Variants in UNC45B observed in about 807,000 individuals in gnomAD.
UNC45B encodes protein unc-45 homolog B.
UNC45B carries 78 observed loss-of-function variants against 98.7 expected under a neutral mutation model. The ratio of observed to expected loss-of-function variants is 0.79; its 90% CI spans 0.66 to 0.95. The LOEUF (loss-of-function observed/expected upper bound fraction) is 0.95. Ranked by LOEUF, UNC45B falls within the 40% of genes least tolerant of loss-of-function variation. The probability of loss-of-function intolerance (pLI) is 0.00; values close to 1 mark genes in which losing one functional copy is unlikely to be tolerated. For synonymous variants in UNC45B, 462 were observed against 480.4 expected, an observed-to-expected ratio of 0.96 and a Z score of 0.50; for missense variants, 1,225 against 1,184.9, an observed-to-expected ratio of 1.03 and a Z score of -0.50.
chr17:35,175,062 A>AAGAAAG (rs2092220192), intron 14 of UNC45B, among the ~76,000 whole-genome samples: 1 of 65,280 alleles, frequency 1.5e-5, no homozygotes, highest in African/African-American at 4.2e-5. Flanking sequence ...AAAGGAAAGA[A>AAGAAAG]GAAAGAAAGA....
At position 35,148,956 on chromosome 17, in the gene UNC45B, C is replaced by G. The variant is rs1176680373; in HGVS notation, c.169-17C>G. ...GCCCACATTAACCGAGTCTCCTTCT[C>G]CTTCCCCTTTCCTCAGGAGAGCTAC... On this transcript the variant is annotated splice_polypyrimidine_tract_variant and intron_variant, in intron 2 of 19. Coordinates refer to ENST00000394570, the MANE Select transcript of UNC45B (RefSeq NM_001267052.2). 5.0e-6 allele frequency: 8 copies of G among 1,614,062 alleles called. No individual in the cohort carries two copies. The highest frequency in any genetic ancestry group is 6.8e-6 in the Non-Finnish European group (8 of 1,179,982).
chr17:35,163,813 C>A (rs549827756), intron 8 of UNC45B, among the ~76,000 whole-genome samples, 182 bp from the exon 9 acceptor site: 1 of 152,268 alleles, frequency 6.6e-6, no homozygotes. Context: ...AAGCTGGGGG[C>A]AGTGTCAGGT....
chr17:35,186,274 T>C (rs748706396), intron 19 of UNC45B, 25 bp from the exon 20 acceptor site: 1 of 1,611,558 alleles, frequency 6.2e-7, no homozygotes, highest in Non-Finnish European at 8.5e-7. Context: ...CCTAGCACCT[T>C]CCTTACCTTT....
Position 35,169,838 on chromosome 17 carries a change from G to A in UNC45B, c.1454G>A (p.Gly485Glu), listed in dbSNP as rs2092169866. ...NEKIKIRTLVGLCKLGSAGGT... is the reference protein window; with the variant it reads ...NEKIKIRTLVELCKLGSAGGT... The stretch of plus-strand genomic sequence containing the variant: ...TCTGCTGTCTCCTCTCCTCCTCAGG[G>A]ACTCTGTAAGCTCGGCTCTGCAGGT... Residue 485 changes from glycine to glutamate, a missense_variant and splice_region_variant, in exon 11 of 20, where the codon GGA becomes GAA. Physicochemically the swap from Gly to Glu is moderately conservative, Grantham distance 98. Transcript: ENST00000394570. The A allele has an allele frequency of 2.5e-6, 4 of 1,613,958 alleles. No individual in the cohort carries two copies. Among genetic ancestry groups the A allele is most frequent in the Non-Finnish European group, 3.4e-6 (4 of 1,180,016 alleles).
chr17:35,164,297 A>G (rs547591373), intron 9 of UNC45B, 131 bp downstream of exon 9: 1 of 1,177,198 alleles, frequency 8.5e-7, no homozygotes, highest in East Asian at 2.7e-5. Flanking sequence ...GAAATTTGGG[A>G]GTGGTTTGGC....
At chr17:35,151,853 C>A (rs2092021978) in intron 4 of UNC45B, among the ~76,000 whole-genome samples, 1 of 152,210 alleles carries the variant, frequency 6.6e-6, no homozygotes, top group African/African-American at 2.4e-5. Flanking sequence ...AATCCCAGCA[C>A]TTTGGGAGGC....
Position 35,171,340 on chromosome 17 carries a change from C to A in UNC45B, c.1708C>A (p.Leu570Met), listed in dbSNP as rs890966559. The A allele has an allele frequency of 6.2e-6, 10 of 1,614,044 alleles. No individual in the cohort carries two copies. The African/African-American group carries it at 1.3e-4, about 22-fold the overall frequency. The change falls in exon 13 of 20, where the codon CTG (leucine) becomes ATG (methionine). Residue 570 changes from leucine (L) to methionine (M), a missense_variant. By Grantham distance (15) the Leu-to-Met change is conservative. Transcript: ENST00000394570. The part of the protein sequence containing the change: ...ELAKTSDKTI[L>M]YSVATTLVNC... ...CTTCCAGACCAGTGACAAGACCATCCTGTACTCGGTGGCCACCACCCTGGT... is the reference window on the plus strand; with the variant it reads ...CTTCCAGACCAGTGACAAGACCATCATGTACTCGGTGGCCACCACCCTGGT...
chr17:35,181,846 T>C (rs977399852), intron 18 of UNC45B, among the ~76,000 whole-genome samples: 4 of 149,822 alleles, frequency 2.7e-5, no homozygotes, highest in Non-Finnish European at 5.9e-5. Flanking sequence ...TACCAGGGTC[T>C]ACCAGGGAAC....
intron 7 of UNC45B, among the ~76,000 whole-genome samples, chr17:35,157,103 T>C (rs1455644838): frequency 6.6e-6 from 1 of 152,184 alleles, no homozygotes; most frequent in East Asian, 1.9e-4. Flanking sequence ...TAATCTTCCC[T>C]TGTATGGATT....
chr17:35,176,978 AT>A (rs2092238327), intron 15 of UNC45B, 38 bp from the exon 16 acceptor site: 1 of 1,540,110 alleles, frequency 6.5e-7, no homozygotes, highest in Non-Finnish European at 9.0e-7. Context: ...AAGCCTCTGG[AT>A]GTCTGTGACT....
intron 7 of UNC45B, among the ~76,000 whole-genome samples, chr17:35,156,558 G>A (rs563206497): frequency 3.3e-5 from 5 of 152,114 alleles, no homozygotes; most frequent in Non-Finnish European, 4.4e-5. Flanking sequence ...CCGGGGAGGC[G>A]AAGTTTGCAG....
Position 35,186,374 on chromosome 17 carries a change from A to C in UNC45B, c.2605A>C (p.Ile869Leu). Residue 869 changes from isoleucine to leucine, a missense_variant, in exon 20 of 20, where the codon ATT becomes CTT. By Grantham distance (5) the Ile-to-Leu change is conservative. Transcript: ENST00000394570. The stretch of plus-strand genomic sequence containing the variant: ...GTCTGTCCAACACCGGGGCCTGGTC[A>C]TTGCCTACAACCTACTGGCAGCCGA... The part of the protein sequence containing the change: ...QLSVQHRGLV[I>L]AYNLLAADAE... 1.9e-6 allele frequency: 3 copies of C among 1,614,200 alleles called. No homozygotes were observed. The highest frequency in any genetic ancestry group is 2.5e-6 in the Non-Finnish European group (3 of 1,180,030).
chr17:35,172,887 T>G (rs1337759058), intron 13 of UNC45B, among the ~76,000 whole-genome samples: 2 of 152,208 alleles, frequency 1.3e-5, no homozygotes, highest in African/African-American at 4.8e-5. Flanking sequence ...ATTTCATTCC[T>G]CTGTGAATGA....
At chr17:35,185,513 G>T (rs1246337861) in intron 19 of UNC45B, among the ~76,000 whole-genome samples, 1 of 151,838 alleles carries the variant, frequency 6.6e-6, no homozygotes, top group African/African-American at 2.4e-5. Flanking sequence ...TCCCCATGTT[G>T]GCCAGGCTGG....
At chr17:35,162,871 C>T (rs2092111281) in intron 8 of UNC45B, among the ~76,000 whole-genome samples, 1 of 152,132 alleles carries the variant, frequency 6.6e-6, no homozygotes, top group Non-Finnish European at 1.5e-5. Flanking sequence ...AATGTTCTTT[C>T]TCCCACTTCC....
intron 8 of UNC45B, among the ~76,000 whole-genome samples, chr17:35,161,588 G>A (rs954110587): frequency 9.9e-5 from 15 of 152,146 alleles, no homozygotes; most frequent in African/African-American, 3.6e-4. Flanking sequence ...GCCCTACTGA[G>A]CACTTTTTAA....
Position 35,168,297 on chromosome 17 carries a change from T to A in UNC45B, c.1388T>A (p.Val463Glu), listed in dbSNP as rs913400220. 2 of 1,477,400 alleles carry A rather than the reference T, an allele frequency of 1.4e-6. No individual in the cohort carries two copies. Among genetic ancestry groups the A allele is most frequent in the Admixed American group, 4.4e-5 (2 of 45,160 alleles). 91.5% of individuals were successfully genotyped at this position (1,477,400 alleles called of 1,614,324 possible). The change falls in exon 10 of 20, where the codon GTG (valine) becomes GAG (glutamate). Residue 463 changes from valine (V) to glutamate (E), a missense_variant. Transcript: ENST00000394570. ...SRATFIITNGVSLLKQIYKTT... is the reference protein window; with the variant it reads ...SRATFIITNGESLLKQIYKTT... Reference sequence around the variant, plus strand: ...GCCACCTTCATCATCACCAATGGAGTGTCACTGCTCAAACAGATCTACAAG... The same window carrying A: ...GCCACCTTCATCATCACCAATGGAGAGTCACTGCTCAAACAGATCTACAAG...
Position 35,183,550 on chromosome 17 carries a change from C to A in UNC45B, c.2497C>A (p.His833Asn). ...AGALAMLTAA[H>N]KKLCLKMTQV... is the part of the protein sequence containing the mutation. ...GGCTCTGGCCATGCTGACAGCAGCA[C>A]ACAAGAAACTGTGCCTCAAGATGAC... is the stretch of plus-strand genomic sequence containing the variant. Residue 833 changes from histidine (H) to asparagine (N), a missense_variant, in exon 19 of 20, where the codon CAC becomes AAC. Coordinates refer to ENST00000394570, the MANE Select transcript of UNC45B (RefSeq NM_001267052.2). 1.3e-6 allele frequency: 2 copies of A among 1,587,190 alleles called. No individual in the cohort carries two copies. Among genetic ancestry groups the A allele is most frequent in the Middle Eastern group, 1.7e-4 (1 of 5,922 alleles).
chr17:35,159,627 G>A, intron 8 of UNC45B, 82 bp downstream of exon 8: 1 of 1,465,748 alleles, frequency 6.8e-7, no homozygotes. Flanking sequence ...GAAGATGTGA[G>A]GCTCTTGAAG....
Sources: allele counts gnomAD v4.1 joint callset (sites outside exome capture counted in the v4.1 genomes callset), GRCh38; gene constraint gnomAD v4.1.1; transcripts MANE v1.5; gene names NCBI Gene and HGNC (gene_info 2026-07-23, HGNC 2026-07-21).